PAK1: variants seen among roughly 807,000 people sequenced by gnomAD.
PAK1 encodes the protein serine/threonine-protein kinase PAK 1.
Under a neutral mutation model 67.4 loss-of-function variants are expected in PAK1, and 29 were observed. The observed-to-expected ratio is 0.43, with a 90% CI of 0.32 to 0.59. The LOEUF (loss-of-function observed/expected upper bound fraction) is 0.59. Ranked by LOEUF, PAK1 falls within the 20% of genes least tolerant of loss-of-function variation. The pLI is 0.07. For synonymous variants in PAK1, 223 were observed against 237.4 expected (o/e 0.94, Z 0.56); for missense variants, 337 against 670.7 (o/e 0.50, Z 5.50).
At chr11:77,368,644 G>C (rs1317497816) in intron 5 of PAK1, among the ~76,000 whole-genome samples, 1 of 136,820 alleles carries the variant, frequency 7.3e-6, no homozygotes, top group Non-Finnish European at 1.6e-5. Context: ...CAAATACCTG[G>C]ATAATAATAT....
chr11:77,345,843 TG>T (rs1270417410), intron 9 of PAK1, among the ~76,000 whole-genome samples: 12 of 152,222 alleles, frequency 7.9e-5, no homozygotes, highest in African/African-American at 2.9e-4. Context: ...GAATGTCTTT[TG>T]AGTTACTCAT....
At chr11:77,458,012 T>C (rs2135455293) in intron 1 of PAK1, among the ~76,000 whole-genome samples, 1 of 152,316 alleles carries the variant, frequency 6.6e-6, no homozygotes, top group Middle Eastern at 3.4e-3. Context: ...ATCATAGGAA[T>C]ATAATTTAAA....
chr11:77,525,478 G>A, the PAK1 span, among the ~76,000 whole-genome samples: 1 of 152,198 alleles, frequency 6.6e-6, no homozygotes, highest in Non-Finnish European at 1.5e-5. Flanking sequence ...TGGACCGAAA[G>A]AACTACATGC....
chr11:77,383,647 T>A (rs952125869), intron 2 of PAK1, among the ~76,000 whole-genome samples: 3 of 152,092 alleles, frequency 2.0e-5, no homozygotes, highest in African/African-American at 7.2e-5. Flanking sequence ...ATATTTAGAC[T>A]GAGTATTCAC....
chr11:77,346,352 T>C (rs116087844), intron 9 of PAK1, among the ~76,000 whole-genome samples: 480 of 152,290 alleles, frequency 3.2e-3, no homozygotes, highest in African/African-American at 0.01. Flanking sequence ...GGCTAGGAGA[T>C]AGCATTCCTG....
At position 77,323,378 on chromosome 11, in the gene PAK1, A is replaced by T; in HGVS notation, c.1552-18T>A. On this transcript the variant is annotated intron_variant, in intron 14 of 14. Transcript: ENST00000356341. ...AATTGATGCTAGAAAGGAGAAAAATAGCAAAAGACACATGACTATTTAACA... is the reference window on the plus strand; with the variant it reads ...AATTGATGCTAGAAAGGAGAAAAATTGCAAAAGACACATGACTATTTAACA... 1 of 1,458,980 alleles carries T rather than the reference A, an allele frequency of 6.9e-7. No individual in the cohort carries two copies. The highest frequency in any genetic ancestry group is 2.3e-5 in the East Asian group (1 of 44,140). 90.4% of individuals were successfully genotyped at this position (1,458,980 alleles called of 1,614,324 possible).
the PAK1 span, among the ~76,000 whole-genome samples, chr11:77,500,078 T>C: frequency 6.6e-6 from 1 of 152,142 alleles, no homozygotes; most frequent in Admixed American, 6.5e-5. Flanking sequence ...TTTGTTATAA[T>C]CAGTTCATAA....
intron 6 of PAK1, among the ~76,000 whole-genome samples, chr11:77,358,101 C>A (rs559815958): frequency 1.3e-5 from 2 of 152,230 alleles, no homozygotes; most frequent in African/African-American, 4.8e-5. Flanking sequence ...AGTCATTCAA[C>A]CAATTTCTGT....
intron 1 of PAK1, among the ~76,000 whole-genome samples, chr11:77,423,290 T>C (rs139503062): frequency 1.3e-4 from 20 of 150,148 alleles, no homozygotes; most frequent in African/African-American, 4.7e-4. Flanking sequence ...CACAATTTGA[T>C]ATATTCCCAA....
intron 1 of PAK1, among the ~76,000 whole-genome samples, chr11:77,464,180 T>C (rs1157673515): frequency 3.9e-5 from 6 of 152,364 alleles, no homozygotes; most frequent in Admixed American, 6.5e-5. Flanking sequence ...AGCTACCATA[T>C]TGAGCAGCAC....
chr11:77,388,005 G>A (rs1463078484), intron 2 of PAK1, among the ~76,000 whole-genome samples: 3 of 152,130 alleles, frequency 2.0e-5, no homozygotes, highest in Admixed American at 6.5e-5. Flanking sequence ...AGCCATCAAG[G>A]GTCTTAAAGC....
chr11:77,323,560 C>T (rs950427075), intron 14 of PAK1, among the ~76,000 whole-genome samples, 200 bp from the exon 15 acceptor site: 6 of 152,168 alleles, frequency 3.9e-5, no homozygotes, highest in African/African-American at 1.2e-4. Flanking sequence ...AATACATCTA[C>T]CTATACTCTA....
intron 9 of PAK1, among the ~76,000 whole-genome samples, chr11:77,348,416 C>G (rs185364131): frequency 6.6e-6 from 1 of 152,304 alleles, no homozygotes; most frequent in Non-Finnish European, 1.5e-5. Context: ...GGTCAGCAGG[C>G]TTTAGCTATA....
intron 1 of PAK1, among the ~76,000 whole-genome samples, chr11:77,403,958 G>A (rs1005564563): frequency 2.0e-5 from 3 of 151,990 alleles, no homozygotes; most frequent in Non-Finnish European, 4.4e-5. Flanking sequence ...TCAAGAGAGT[G>A]GGTTCCTGAT....
chr11:77,460,498 G>A (rs1420889269), intron 1 of PAK1, among the ~76,000 whole-genome samples: 1 of 151,834 alleles, frequency 6.6e-6, no homozygotes, highest in Admixed American at 6.6e-5. Flanking sequence ...GACTAGCTTT[G>A]AAGGAAAGCA....
chr11:77,443,126 C>T (rs1956431852), intron 1 of PAK1, among the ~76,000 whole-genome samples: 2 of 151,948 alleles, frequency 1.3e-5, no homozygotes, highest in African/African-American at 4.8e-5. Flanking sequence ...AGATCAAGAC[C>T]ATCATGGCCA....
At chr11:77,516,284 T>C in the PAK1 span, among the ~76,000 whole-genome samples, 4 of 152,210 alleles carry the variant, frequency 2.6e-5, no homozygotes, top group Admixed American at 2.0e-4. Flanking sequence ...TTAGGTGTAA[T>C]GAAGCTATAC....
At chr11:77,476,114 A>G (rs1267424072), upstream of PAK1, 2 of 152,214 alleles carry the variant, frequency 1.3e-5, no homozygotes, top group African/African-American at 2.4e-5. Context: ...TGGTTGTAGG[A>G]AGCTGTGATT....
At chr11:77,477,510 C>T (rs1320170987), upstream of PAK1, among the ~76,000 whole-genome samples, 4 of 127,720 alleles carry the variant, frequency 3.1e-5, no homozygotes, top group African/African-American at 1.2e-4. Context: ...GTGGGCAGAT[C>T]GCTTGAGCCC....
Sources: allele counts gnomAD v4.1 joint callset (sites outside exome capture counted in the v4.1 genomes callset), GRCh38; gene constraint gnomAD v4.1.1; transcripts MANE v1.5; gene names NCBI Gene and HGNC (gene_info 2026-07-23, HGNC 2026-07-21).